The following ARHGAP26 variants were observed in gnomAD, a reference collection of about 807,000 sequenced individuals.
ARHGAP26 encodes the protein rho GTPase-activating protein 26.
In ARHGAP26, 38 loss-of-function variants were observed where a neutral mutation model predicts 104.8. The ratio of observed to expected loss-of-function variants is 0.36; its 90% CI spans 0.28 to 0.48. The LOEUF is 0.48. Among genes scored for constraint, ARHGAP26 ranks in the 20% least tolerant of loss-of-function variants. ARHGAP26 has a pLI of 0.99. For synonymous variants in ARHGAP26, 341 were observed against 340.0 expected (o/e 1.00, Z -0.03); for missense variants, 704 against 947.9 (o/e 0.74, Z 3.38).
chr5:142,893,996 A>T (rs1220440456), intron 5 of ARHGAP26, among the ~76,000 whole-genome samples: 1 of 151,160 alleles, frequency 6.6e-6, no homozygotes, highest in Admixed American at 6.6e-5. Flanking sequence ...TTTTTAAACC[A>T]ATAATCTCAT....
chr5:143,217,921 T>C (rs1810580819), intron 22 of ARHGAP26, among the ~76,000 whole-genome samples: 1 of 152,226 alleles, frequency 6.6e-6, no homozygotes, highest in African/African-American at 2.4e-5. Flanking sequence ...CCCACTGCTC[T>C]GAGAATGACT....
At chr5:143,062,954 A>G (rs986059172) in intron 17 of ARHGAP26, among the ~76,000 whole-genome samples, 12 of 152,198 alleles carry the variant, frequency 7.9e-5, no homozygotes, top group African/African-American at 2.9e-4. Context: ...TAAAGAAAAC[A>G]GTATGTTGTG....
At chr5:142,936,903 A>C (rs1256446964) in intron 11 of ARHGAP26, among the ~76,000 whole-genome samples, 1 of 152,154 alleles carries the variant, frequency 6.6e-6, no homozygotes, top group African/African-American at 2.4e-5. Context: ...CTAAATGTAA[A>C]ATGTAACACT....
chr5:142,964,828 T>C (rs1771021253), intron 11 of ARHGAP26, among the ~76,000 whole-genome samples: 1 of 151,550 alleles, frequency 6.6e-6, no homozygotes, highest in Non-Finnish European at 1.5e-5. Flanking sequence ...GACGAGAGAG[T>C]GTAGAAATAA....
chr5:143,024,033 G>C (rs1313800196), intron 12 of ARHGAP26, among the ~76,000 whole-genome samples: 1 of 152,168 alleles, frequency 6.6e-6, no homozygotes, highest in African/African-American at 2.4e-5. Flanking sequence ...ATTATGAGTT[G>C]CCTGTGCAAC....
chr5:142,853,927 C>T (rs374498111), intron 1 of ARHGAP26, among the ~76,000 whole-genome samples: 19 of 152,210 alleles, frequency 1.2e-4, no homozygotes, highest in African/African-American at 2.9e-4. Flanking sequence ...GTTGAAGGAA[C>T]GAATGAAGCT....
chr5:143,114,430 C>T (rs558300368), intron 17 of ARHGAP26, among the ~76,000 whole-genome samples: 100 of 152,288 alleles, frequency 6.6e-4, no homozygotes, highest in African/African-American at 1.8e-3. Flanking sequence ...GGATTCCCCC[C>T]GCCATCCTCT....
At chr5:142,798,390 C>G (rs1480829001) in intron 1 of ARHGAP26, among the ~76,000 whole-genome samples, 1 of 152,184 alleles carries the variant, frequency 6.6e-6, no homozygotes, top group Non-Finnish European at 1.5e-5. Context: ...TGTCTCAGCT[C>G]AAATGCCACT....
At chr5:142,863,177 C>T (rs1326634244) in intron 1 of ARHGAP26, among the ~76,000 whole-genome samples, 1 of 150,388 alleles carries the variant, frequency 6.6e-6, no homozygotes, top group Non-Finnish European at 1.5e-5. Flanking sequence ...ATGGCACGAT[C>T]TCGGCTCACT....
intron 18 of ARHGAP26, among the ~76,000 whole-genome samples, chr5:143,125,544 G>A (rs974960366): frequency 2.0e-5 from 3 of 152,214 alleles, no homozygotes; most frequent in Admixed American, 6.5e-5. Flanking sequence ...GGGAAGCAGT[G>A]TTTGGCACAA....
At chr5:143,126,313 T>C (rs1341004210) in intron 18 of ARHGAP26, among the ~76,000 whole-genome samples, 1 of 152,280 alleles carries the variant, frequency 6.6e-6, no homozygotes, top group East Asian at 1.9e-4. Flanking sequence ...TGTTAGCAAG[T>C]AGTGGGTGAT....
chr5:142,959,501 G>A (rs1769835755), intron 11 of ARHGAP26, among the ~76,000 whole-genome samples: 2 of 152,148 alleles, frequency 1.3e-5, no homozygotes, highest in Admixed American at 1.3e-4. Context: ...TGTGGTTGTA[G>A]GACTTGAGTC....
chr5:143,188,056 G>A (rs1455949015), intron 20 of ARHGAP26, among the ~76,000 whole-genome samples: 1 of 152,106 alleles, frequency 6.6e-6, no homozygotes, highest in Non-Finnish European at 1.5e-5. Flanking sequence ...CAGTTCTTTT[G>A]ACCAAATCTC....
chr5:143,179,847 T>A lies in ARHGAP26; in HGVS notation c.1989-27351T>A, dbSNP rs527494114. 1.5e-4 allele frequency among the ~76,000 whole-genome samples: 23 copies of A among 152,264 alleles called. No homozygotes were observed. In the East Asian group the frequency reaches 4.4e-3, roughly 29 times the overall value. On this transcript the variant is annotated intron_variant, in intron 20 of 22. Transcript: ENST00000645722. ...ATGCCTCATGTCAGCCTGCATTTTG[T>A]CCCCACTCAACCCACTGACACTGCC...
At chr5:143,123,571 G>A (rs1164620547) in intron 18 of ARHGAP26, among the ~76,000 whole-genome samples, 1 of 152,222 alleles carries the variant, frequency 6.6e-6, no homozygotes, top group Non-Finnish European at 1.5e-5. Context: ...CACAATGTTG[G>A]CCAGGCACAG....
intron 12 of ARHGAP26, among the ~76,000 whole-genome samples, chr5:143,027,358 T>C (rs2152849712): frequency 6.6e-6 from 1 of 151,126 alleles, no homozygotes; most frequent in South Asian, 2.1e-4. Context: ...CTTTTTTTTT[T>C]TTTTTAGTAG....
chr5:142,814,093 G>A (rs1764648306), intron 1 of ARHGAP26, among the ~76,000 whole-genome samples: 1 of 152,246 alleles, frequency 6.6e-6, no homozygotes, highest in Non-Finnish European at 1.5e-5. Flanking sequence ...CCACAAGTAG[G>A]TAAGCTTTGC....
Position 143,226,743 on chromosome 5 carries a change from T to C in ARHGAP26, c.*4297T>C, listed in dbSNP as rs975873876. Reference sequence around the variant, plus strand: ...TTTTCTTATGTCAGACCACACTGTCTTTTTGAATATCAGTTCATTTCCTCT... The same window carrying C: ...TTTTCTTATGTCAGACCACACTGTCCTTTTGAATATCAGTTCATTTCCTCT... On this transcript the variant is annotated 3_prime_UTR_variant, in exon 23 of 23. Transcript: ENST00000645722. 1.4e-5 allele frequency: 3 copies of C among 218,818 alleles called. No homozygotes were observed. Among genetic ancestry groups the C allele is most frequent in the African/African-American group, 6.8e-5 (3 of 44,444 alleles). The allele number at this position is 218,818 out of a possible 1,614,324, so 13.6% of individuals were successfully genotyped here.
chr5:143,037,109 G>A (rs1051622685), intron 12 of ARHGAP26, 87 bp from the exon 13 acceptor site: 6 of 946,002 alleles, frequency 6.3e-6, no homozygotes, highest in South Asian at 5.3e-5. Flanking sequence ...CACAGCATGC[G>A]ATTGATTCAT....
Sources: allele counts gnomAD v4.1 joint callset (sites outside exome capture counted in the v4.1 genomes callset), GRCh38; gene constraint gnomAD v4.1.1; transcripts MANE v1.5; gene names NCBI Gene and HGNC (gene_info 2026-07-23, HGNC 2026-07-21).